Variants in MORC2 observed in about 807,000 individuals in gnomAD.
The protein encoded by MORC2 is ATPase MORC2.
A neutral mutation model predicts 136.0 loss-of-function variants in MORC2; 30 were observed. That is an observed-to-expected ratio of 0.22 (90% confidence interval 0.17 to 0.30). MORC2 has a LOEUF of 0.30. MORC2 is among the 10% of genes least tolerant of loss of function. The pLI is 1.00. For missense variants in MORC2, 922 were observed against 1,333.1 expected (o/e 0.69, Z 4.80); for synonymous variants, 439 against 487.0 (o/e 0.90, Z 1.30).
rs1291021388 is a variant in MORC2, at chr22:30,940,019, T to C, written c.927A>G (p.Ala309=). ...ARIAEEKARE[A]ESKARTLEVR... is the part of the protein sequence containing the mutation. ...CTTCTAATGTCCGAGCTTTGCTCTC[T>C]GCCTCCCGCGCCTTCTCTTCAGCTG... The change falls in exon 11 of 26, where the codon GCA becomes GCG. Residue 309 remains alanine (A), a synonymous_variant. Transcript: ENST00000397641. 5 of 1,613,758 alleles carry C rather than the reference T, an allele frequency of 3.1e-6. No homozygotes were observed. Among genetic ancestry groups the C allele is most frequent in the Non-Finnish European group, 4.2e-6 (5 of 1,180,048 alleles).
chr22:30,953,265 AT>A (rs1418605115), intron 3 of MORC2, among the ~76,000 whole-genome samples: 5 of 152,222 alleles, frequency 3.3e-5, no homozygotes, highest in Admixed American at 1.3e-4. Context: ...TGGGGGTTGT[AT>A]GTTCCCCGCC....
intron 21 of MORC2, 61 bp from the exon 22 acceptor site, chr22:30,933,091 G>C (rs1301149656): frequency 6.3e-7 from 1 of 1,599,664 alleles, no homozygotes; most frequent in African/African-American, 1.3e-5. Context: ...ACTTGGCCTG[G>C]GCCACATCGA....
intron 4 of MORC2, 40 bp downstream of exon 4, chr22:30,950,337 G>GCGGGGCCC (rs2147286135): frequency 1.3e-6 from 1 of 761,748 alleles, no homozygotes; most frequent in African/African-American, 1.8e-5. Flanking sequence ...TGGTTACATC[G>GCGGGGCCC]CACCCCCCCA....
chr22:30,929,192 A>G (rs553653423), intron 24 of MORC2, among the ~76,000 whole-genome samples: 2 of 152,358 alleles, frequency 1.3e-5, no homozygotes, highest in South Asian at 4.1e-4. Context: ...CAAAATAAAT[A>G]CTGGAGCAAT....
intron 5 of MORC2, among the ~76,000 whole-genome samples, chr22:30,947,491 G>A (rs1462918726): frequency 1.3e-5 from 2 of 152,196 alleles, no homozygotes; most frequent in Non-Finnish European, 2.9e-5. Context: ...GATGGAGGTG[G>A]AAAGCCTCAT....
chr22:30,933,948 T>C, intron 20 of MORC2, 112 bp downstream of exon 20: 8 of 1,305,178 alleles, frequency 6.1e-6, no homozygotes, highest in Non-Finnish European at 8.6e-6. Context: ...TGCTGGTGGG[T>C]TGTGTAGACT....
At chr22:30,967,447 T>C (rs1214869497) in intron 1 of MORC2, 16 of 1,007,494 alleles carry the variant, frequency 1.6e-5, no homozygotes, top group South Asian at 4.0e-5. Flanking sequence ...CCTAACTGTT[T>C]AGGACGTTGT....
chr22:30,935,451 C>T, intron 17 of MORC2, 129 bp from the exon 18 acceptor site: 2 of 831,894 alleles, frequency 2.4e-6, no homozygotes, highest in Non-Finnish European at 1.9e-6. Context: ...TCTTACAAAC[C>T]TCCTGTTCTC....
chr22:30,951,105 G>C (rs73156739), intron 3 of MORC2, among the ~76,000 whole-genome samples: 1 of 152,164 alleles, frequency 6.6e-6, no homozygotes, highest in Non-Finnish European at 1.5e-5. Context: ...ATGGTACAAC[G>C]TGGAGGTGCC....
intron 17 of MORC2, 102 bp downstream of exon 17, chr22:30,936,409 G>T: frequency 6.6e-7 from 1 of 1,511,046 alleles, no homozygotes; most frequent in Non-Finnish European, 8.9e-7. Context: ...GTGAGTGGAG[G>T]GTAAAACTGA....
Position 30,934,230 on chromosome 22 carries a change from T to C in MORC2, c.2194-39A>G. 6.2e-7 allele frequency: 1 copy of C among 1,613,538 alleles called. No homozygotes were observed. The highest frequency in any genetic ancestry group is 8.5e-7 in the Non-Finnish European group (1 of 1,179,658). On this transcript the variant is annotated intron_variant, in intron 19 of 25. Transcript: ENST00000397641. The surrounding 1 kb of genome is among the most constrained non-coding windows in gnomAD (Gnocchi z 4.4). ...AGCGTGAGGATGTGAGGGGCCCTGTTCAGCCTCTAAGGAGCAGGAAGATTT... is the reference window on the plus strand; with the variant it reads ...AGCGTGAGGATGTGAGGGGCCCTGTCCAGCCTCTAAGGAGCAGGAAGATTT...
In MORC2 at chr22:30,934,811, C is replaced by G. The variant is rs564766575; in HGVS notation, c.2163G>C (p.Lys721Asn). 1 of 1,614,188 alleles carries G rather than the reference C, an allele frequency of 6.2e-7. No homozygotes were observed. The highest frequency in any genetic ancestry group is 1.1e-5 in the South Asian group (1 of 91,078). ...AGAGTTTGATGGGTGACTCTGTCTTCTTCACCACTGGAGTCTTGATGACTT... is the reference window on the plus strand; with the variant it reads ...AGAGTTTGATGGGTGACTCTGTCTTGTTCACCACTGGAGTCTTGATGACTT... Reference protein sequence around the residue: ...SPKVIKTPVVKKTESPIKLSP... With the variant: ...SPKVIKTPVVNKTESPIKLSP... The change falls in exon 19 of 26, where the codon AAG becomes AAC. Residue 721 changes from lysine to asparagine, a missense_variant. Physicochemically the swap from Lys to Asn is moderately conservative, Grantham distance 94. Around this residue, in one of 9 missense-constraint regions of MORC2, gnomAD observed 184 missense variants for 180.3 expected, o/e 1.02. Transcript: ENST00000397641. The surrounding 1 kb of genome is among the most constrained non-coding windows in gnomAD (Gnocchi z 4.4).
intron 10 of MORC2, 147 bp from the exon 11 acceptor site, chr22:30,940,188 G>A (rs995820337): frequency 1.6e-5 from 12 of 771,184 alleles, no homozygotes; most frequent in Non-Finnish European, 2.3e-5. Context: ...GCAATGTGAG[G>A]GCAGCCTCTG....
At chr22:30,931,179 G>A (rs370147288) in intron 24 of MORC2, among the ~76,000 whole-genome samples, 1 of 152,084 alleles carries the variant, frequency 6.6e-6, no homozygotes, top group Non-Finnish European at 1.5e-5. Context: ...ACCCAAACAC[G>A]CTGCTACCCA....
chr22:30,955,240 G>A (rs1036374043), intron 3 of MORC2, among the ~76,000 whole-genome samples: 4 of 151,944 alleles, frequency 2.6e-5, no homozygotes, highest in Admixed American at 1.3e-4. Flanking sequence ...TTACAGGTGT[G>A]AGCCACCACG....
chr22:30,944,831 T>C (rs1202559426), intron 6 of MORC2, among the ~76,000 whole-genome samples: 2 of 152,190 alleles, frequency 1.3e-5, no homozygotes. Flanking sequence ...TCACCTCCCT[T>C]GGGCGAGTAC....
At chr22:30,933,382 G>T in intron 21 of MORC2, 84 bp downstream of exon 21, 2 of 1,455,674 alleles carry the variant, frequency 1.4e-6, no homozygotes, top group Non-Finnish European at 1.9e-6. Context: ...ATGAGCCTTT[G>T]GTAAATTGCT....
chr22:30,939,711 A>C lies in MORC2; in HGVS notation c.988-5T>G, dbSNP rs1382735880. On this transcript the variant is annotated splice_polypyrimidine_tract_variant and splice_region_variant and intron_variant, in intron 11 of 25. Coordinates refer to ENST00000397641, the MANE Select transcript of MORC2 (RefSeq NM_001303256.3). ...CTGGACCTGTCGCAACATCACCTGCACACATTGACATCAGGTGAGGGGAGG... is the reference window on the plus strand; with the variant it reads ...CTGGACCTGTCGCAACATCACCTGCCCACATTGACATCAGGTGAGGGGAGG... 6.2e-7 allele frequency: 1 copy of C among 1,613,338 alleles called. No individual in the cohort carries two copies. The highest frequency in any genetic ancestry group is 1.3e-5 in the African/African-American group (1 of 74,928).
chr22:30,934,638 A>G lies in MORC2; in HGVS notation c.2193+143T>C. ...CCCCAACAAGTCCGTTCAGCTATCAAGGCTTCCCGTCCTCAGGGGCAGCAG... is the reference window on the plus strand; with the variant it reads ...CCCCAACAAGTCCGTTCAGCTATCAGGGCTTCCCGTCCTCAGGGGCAGCAG... On this transcript the variant is annotated intron_variant, in intron 19 of 25. Transcript: ENST00000397641. This position sits in a 1 kb window ranked among gnomAD's most constrained non-coding sequence, Gnocchi z 4.4. 1 of 1,226,078 alleles carries G rather than the reference A, an allele frequency of 8.2e-7. No individual in the cohort carries two copies. The highest frequency in any genetic ancestry group is 1.1e-6 in the Non-Finnish European group (1 of 880,330). The allele number at this position is 1,226,078 out of a possible 1,614,324, so 75.9% of individuals were successfully genotyped here.
Sources: gnomAD v4.1 joint callset for allele counts (sites outside exome capture counted in the v4.1 genomes callset) on GRCh38, gnomAD v4.1.1 for gene constraint, gnomAD v4.1.1 regional missense constraint, Gnocchi (gnomAD v3.1) non-coding constraint, MANE v1.5 for transcripts, NCBI Gene and HGNC (gene_info 2026-07-23, HGNC 2026-07-21) for gene names.